Variants in AP3B1 observed in about 807,000 individuals in gnomAD.
AP3B1 encodes the protein AP-3 complex subunit beta-1.
In AP3B1, 61 loss-of-function variants were observed where a neutral mutation model predicts 132.5. The ratio of observed to expected loss-of-function variants is 0.46; its 90% CI spans 0.37 to 0.57. AP3B1 has a LOEUF of 0.57. Among genes scored for constraint, AP3B1 ranks in the 20% least tolerant of loss-of-function variants. The pLI, the probability that AP3B1 is intolerant of heterozygous loss-of-function variation, is 0.00. For missense variants in AP3B1, 1,120 were observed against 1,289.4 expected (o/e 0.87, Z 2.01); for synonymous variants, 388 against 438.3 (o/e 0.89, Z 1.43).
At chr5:78,223,962 G>C (rs186600720) in intron 6 of AP3B1, among the ~76,000 whole-genome samples, 11 of 152,250 alleles carry the variant, frequency 7.2e-5, no homozygotes, top group Admixed American at 2.0e-4. Context: ...TAATGTAGCA[G>C]AAATGATGGT....
intron 6 of AP3B1, 97 bp from the exon 7 acceptor site, chr5:78,216,334 G>C: frequency 9.0e-7 from 1 of 1,106,468 alleles, no homozygotes; most frequent in Non-Finnish European, 1.3e-6. Context: ...ATGCCAATCA[G>C]TATTAAAGTA....
chr5:78,096,145 C>T (rs994355801), intron 21 of AP3B1, among the ~76,000 whole-genome samples: 6 of 152,160 alleles, frequency 3.9e-5, no homozygotes, highest in African/African-American at 1.4e-4. Flanking sequence ...CGAGTGCCTG[C>T]GATGGCAGGC....
chr5:78,086,622 C>T (rs536423130), intron 22 of AP3B1, among the ~76,000 whole-genome samples: 1 of 152,222 alleles, frequency 6.6e-6, no homozygotes, highest in African/African-American at 2.4e-5. Context: ...TAAAAGATGC[C>T]ACTAGCTTTA....
chr5:78,044,767 A>G (rs906845747), intron 22 of AP3B1, among the ~76,000 whole-genome samples: 1 of 152,232 alleles, frequency 6.6e-6, no homozygotes, highest in African/African-American at 2.4e-5. Flanking sequence ...CCTAGGATGC[A>G]TGGTCCAAAC....
At chr5:78,017,372 T>A (rs1746903615) in intron 25 of AP3B1, among the ~76,000 whole-genome samples, 1 of 152,036 alleles carries the variant, frequency 6.6e-6, no homozygotes, top group African/African-American at 2.4e-5. Flanking sequence ...AGCATGACAG[T>A]GTAAACTGAA....
At chr5:78,240,143 TTC>T (rs1366569789) in intron 3 of AP3B1, among the ~76,000 whole-genome samples, 2 of 152,224 alleles carry the variant, frequency 1.3e-5, no homozygotes, top group Admixed American at 6.5e-5. Context: ...ATTAGAATGT[TTC>T]TGTTATTTGT....
At chr5:78,243,381 G>GGAATAAATTTGAAT (rs1159107608) in intron 2 of AP3B1, among the ~76,000 whole-genome samples, 2 of 152,114 alleles carry the variant, frequency 1.3e-5, no homozygotes, top group Non-Finnish European at 2.9e-5. Flanking sequence ...TCCGCAGAAC[G>GGAATAAATTTGAAT]TTATTCAAAT....
chr5:78,140,844 T>C (rs572250324), intron 15 of AP3B1, among the ~76,000 whole-genome samples: 1 of 152,344 alleles, frequency 6.6e-6, no homozygotes, highest in South Asian at 2.1e-4. Flanking sequence ...TCATCCTTTA[T>C]AAAATTTTCT....
At chr5:78,292,972 G>C (rs564728919) in intron 1 of AP3B1, among the ~76,000 whole-genome samples, 1 of 151,932 alleles carries the variant, frequency 6.6e-6, no homozygotes, top group African/African-American at 2.4e-5. Context: ...TCCGCCTCCC[G>C]GGTTCAAGCG....
At chr5:78,051,538 G>GT (rs1748585094) in intron 22 of AP3B1, among the ~76,000 whole-genome samples, 5 of 152,112 alleles carry the variant, frequency 3.3e-5, no homozygotes, top group Admixed American at 3.3e-4. Context: ...GGAATAGCAA[G>GT]TAAGTGCCTT....
chr5:78,206,649 T>C (rs1232883420), intron 7 of AP3B1, among the ~76,000 whole-genome samples: 1 of 151,910 alleles, frequency 6.6e-6, no homozygotes, highest in Admixed American at 6.6e-5. Flanking sequence ...AAAGATAAGA[T>C]GATAAACTAT....
intron 11 of AP3B1, among the ~76,000 whole-genome samples, chr5:78,174,132 C>T (rs1349040362): frequency 6.6e-6 from 1 of 152,146 alleles, no homozygotes; most frequent in Non-Finnish European, 1.5e-5. Context: ...TTTGAACATG[C>T]TCCTTTCGCT....
intron 22 of AP3B1, among the ~76,000 whole-genome samples, chr5:78,084,549 AAAG>A (rs1750154892): frequency 1.3e-5 from 2 of 150,052 alleles, no homozygotes; most frequent in African/African-American, 4.9e-5. Flanking sequence ...AAAAAAAAGA[AAAG>A]AAGAGAAAAG....
At chr5:78,280,022 G>A (rs13153137) in intron 1 of AP3B1, among the ~76,000 whole-genome samples, 31,331 of 142,080 alleles carry the variant, frequency 0.22, 4,078 homozygotes, top group Middle Eastern at 0.31. Flanking sequence ...GCAGTGAGCC[G>A]AGATCGTGCC....
intron 13 of AP3B1, among the ~76,000 whole-genome samples, chr5:78,161,561 T>C (rs755584615): frequency 1.3e-5 from 2 of 151,872 alleles, no homozygotes; most frequent in African/African-American, 4.8e-5. Flanking sequence ...GAAACAGAGA[T>C]AAAAGGATTA....
rs560414458 is a variant in AP3B1, at chr5:78,123,332, C to A, written c.1968+4698G>T. Among the ~76,000 whole-genome samples the A allele has an allele frequency of 3.8e-3, 578 of 152,212 alleles. 2 individuals are homozygous for A. Among genetic ancestry groups the A allele is most frequent in the African/African-American group, 0.011 (458 of 41,540 alleles). ...ACACCAAAAGCAATGGTAACAAAAG[C>A]CAAAATTGACAAATGGGACGTAATT... On this transcript the variant is annotated intron_variant, in intron 17 of 26. Transcript: ENST00000255194.
At chr5:78,079,579 G>A (rs535568706) in intron 22 of AP3B1, among the ~76,000 whole-genome samples, 9 of 152,212 alleles carry the variant, frequency 5.9e-5, no homozygotes, top group Admixed American at 1.3e-4. Context: ...TGGAAGAAAA[G>A]GAATAGAATT....
At chr5:78,174,684 G>C (rs995675231) in intron 11 of AP3B1, among the ~76,000 whole-genome samples, 6 of 152,224 alleles carry the variant, frequency 3.9e-5, no homozygotes, top group Non-Finnish European at 7.3e-5. Flanking sequence ...GGGGGTCAGG[G>C]ACTCACTTGA....
At chr5:78,255,310 G>A (rs189059762) in intron 2 of AP3B1, among the ~76,000 whole-genome samples, 7 of 151,938 alleles carry the variant, frequency 4.6e-5, no homozygotes, top group Admixed American at 2.6e-4. Flanking sequence ...TGGCCGAATG[G>A]ATGAAAAAAC....
Sources: gnomAD v4.1 joint callset for allele counts (sites outside exome capture counted in the v4.1 genomes callset) on GRCh38, gnomAD v4.1.1 for gene constraint, MANE v1.5 for transcripts, NCBI Gene and HGNC (gene_info 2026-07-23, HGNC 2026-07-21) for gene names.